Variants in MAF observed in about 807,000 individuals in gnomAD.
The protein encoded by MAF is MAF bZIP transcription factor, also known as transcription factor Maf.
In MAF, 10 loss-of-function variants were observed where a neutral mutation model predicts 22.0. The ratio of observed to expected loss-of-function variants is 0.45; its 90% CI spans 0.28 to 0.77. The LOEUF (loss-of-function observed/expected upper bound fraction) is 0.77, where lower values mean the gene tolerates loss of function less well. MAF is among the 30% of genes least tolerant of loss of function. MAF has a pLI of 0.12. For missense variants in MAF, 544 were observed against 548.4 expected (o/e 0.99, Z 0.08); for synonymous variants, 337 against 255.8 (o/e 1.32, Z -3.03).
chr16:79,426,050 C>CA, the MAF span, among the ~76,000 whole-genome samples: 1 of 151,988 alleles, frequency 6.6e-6, no homozygotes, highest in African/African-American at 2.4e-5. Flanking sequence ...ACTAAAAATA[C>CA]AAAAAATTAG....
the MAF span, chr16:79,212,165 GGCCACCACT>G: frequency 2.2e-3 from 3,334 of 1,493,766 alleles, 63 homozygotes; most frequent in African/African-American, 0.042. Context: ...CTACCACCAC[GGCCACCACT>G]GCAGCCGGGG....
the MAF span, among the ~76,000 whole-genome samples, chr16:79,483,556 G>A: frequency 2.6e-5 from 4 of 151,918 alleles, no homozygotes; most frequent in Non-Finnish European, 5.9e-5. Context: ...AATAGAATGG[G>A]CAAGATTGAC....
At chr16:79,289,469 G>A in the MAF span, among the ~76,000 whole-genome samples, 10 of 152,328 alleles carry the variant, frequency 6.6e-5, no homozygotes, top group South Asian at 2.1e-3. Context: ...GAAGGCAGAG[G>A]AAGCAGGTTT....
At chr16:79,290,849 A>G in the MAF span, among the ~76,000 whole-genome samples, 1 of 152,110 alleles carries the variant, frequency 6.6e-6, no homozygotes, top group Middle Eastern at 3.2e-3. Context: ...TCCATGAGAA[A>G]GCACCCTCAG....
the MAF span, among the ~76,000 whole-genome samples, chr16:79,405,785 T>C: frequency 2.1e-5 from 3 of 143,822 alleles, no homozygotes; most frequent in Non-Finnish European, 4.5e-5. Context: ...CTCAAAACAG[T>C]GCAAAGAGAG....
At chr16:79,540,220 G>A in the MAF span, among the ~76,000 whole-genome samples, 1 of 151,720 alleles carries the variant, frequency 6.6e-6, no homozygotes, top group Non-Finnish European at 1.5e-5. Flanking sequence ...TGAAGACTCT[G>A]AGAAAAAGCT....
chr16:79,440,610 A>G, the MAF span, among the ~76,000 whole-genome samples: 12 of 151,964 alleles, frequency 7.9e-5, no homozygotes, highest in Non-Finnish European at 1.5e-4. Context: ...TAGTTTTTGT[A>G]TTTTTAGTAG....
chr16:79,591,698 C>A (rs1597838457), downstream of MAF, among the ~76,000 whole-genome samples: 1 of 152,166 alleles, frequency 6.6e-6, no homozygotes, highest in South Asian at 2.1e-4. Flanking sequence ...CCCATCTCAG[C>A]CTTTTTCCTT....
At chr16:79,222,976 C>G in the MAF span, among the ~76,000 whole-genome samples, 1 of 152,156 alleles carries the variant, frequency 6.6e-6, no homozygotes, top group Non-Finnish European at 1.5e-5. Context: ...AGAAAATTAA[C>G]AAGGATATCC....
the MAF span, among the ~76,000 whole-genome samples, chr16:79,420,759 G>T: frequency 6.6e-6 from 1 of 152,236 alleles, no homozygotes; most frequent in Non-Finnish European, 1.5e-5. Context: ...GCTTGACGCG[G>T]TGGCTCATGC....
chr16:79,588,946 G>T (rs929739347), downstream of MAF, among the ~76,000 whole-genome samples: 1 of 151,992 alleles, frequency 6.6e-6, no homozygotes, highest in Admixed American at 6.5e-5. Flanking sequence ...GATTACCGAG[G>T]GTTTTTCCGC....
the MAF span, among the ~76,000 whole-genome samples, chr16:79,372,001 G>C: frequency 6.6e-6 from 1 of 151,750 alleles, no homozygotes; most frequent in African/African-American, 2.4e-5. Context: ...ATTGCACACA[G>C]GTAAGCCATG....
At chr16:79,311,499 A>T in the MAF span, among the ~76,000 whole-genome samples, 5 of 84,064 alleles carry the variant, frequency 5.9e-5, no homozygotes, top group African/African-American at 3.0e-4. Flanking sequence ...GTTTTCTTTA[A>T]AAAAAAAAAA....
the MAF span, among the ~76,000 whole-genome samples, chr16:79,336,469 G>A: frequency 1.3e-5 from 2 of 152,192 alleles, no homozygotes; most frequent in Non-Finnish European, 2.9e-5. Flanking sequence ...CAGGGATGCT[G>A]GGAGGAAAAC....
At chr16:79,292,719 G>A in the MAF span, among the ~76,000 whole-genome samples, 1 of 152,056 alleles carries the variant, frequency 6.6e-6, no homozygotes, top group African/African-American at 2.4e-5. Flanking sequence ...AAGATACAGG[G>A]TACAAAGACC....
At chr16:79,558,961 G>A in the MAF span, among the ~76,000 whole-genome samples, 9 of 152,176 alleles carry the variant, frequency 5.9e-5, no homozygotes, top group Non-Finnish European at 8.8e-5. Flanking sequence ...CTGGGCACAT[G>A]CATTTCTTTT....
At chr16:79,345,455 A>G in the MAF span, among the ~76,000 whole-genome samples, 4 of 152,050 alleles carry the variant, frequency 2.6e-5, no homozygotes, top group Non-Finnish European at 1.5e-5. Context: ...TTTTTTGGCT[A>G]GGTGTGGTGC....
the MAF span, among the ~76,000 whole-genome samples, chr16:79,357,812 T>C: frequency 6.6e-6 from 1 of 152,164 alleles, no homozygotes; most frequent in African/African-American, 2.4e-5. Flanking sequence ...CCCTGCCCAG[T>C]GTCTGACATC....
the MAF span, among the ~76,000 whole-genome samples, chr16:79,530,298 G>C: frequency 6.6e-6 from 1 of 152,162 alleles, no homozygotes; most frequent in East Asian, 1.9e-4. Flanking sequence ...TGGTTCAAAT[G>C]GGCTGGGGGG....
Sources: gnomAD v4.1 joint callset for allele counts (sites outside exome capture counted in the v4.1 genomes callset) on GRCh38, gnomAD v4.1.1 for gene constraint, MANE v1.5 for transcripts, NCBI Gene and HGNC (gene_info 2026-07-23, HGNC 2026-07-21) for gene names.